Variants in MIPOL1 observed in about 807,000 individuals in gnomAD.
MIPOL1 encodes the protein mirror-image polydactyly gene 1 protein.
MIPOL1 carries 57 observed loss-of-function variants against 60.9 expected under a neutral mutation model. That is an observed-to-expected ratio of 0.94 (90% confidence interval 0.76 to 1.17). The LOEUF (loss-of-function observed/expected upper bound fraction) is 1.17. MIPOL1 is among the 50% of genes most tolerant of loss of function. The pLI is 0.00. For synonymous variants in MIPOL1, 179 were observed against 168.8 expected, an observed-to-expected ratio of 1.06 and a Z score of -0.47; for missense variants, 551 against 511.6, an observed-to-expected ratio of 1.08 and a Z score of -0.74.
intron 7 of MIPOL1, among the ~76,000 whole-genome samples, chr14:37,307,462 A>AT (rs2086883638): frequency 6.6e-6 from 1 of 151,906 alleles, no homozygotes; most frequent in Non-Finnish European, 1.5e-5. Flanking sequence ...GCCAGTTTTT[A>AT]TTTTTTGTCT....
intron 12 of MIPOL1, among the ~76,000 whole-genome samples, chr14:37,545,004 G>A (rs1259930909): frequency 1.3e-5 from 2 of 152,144 alleles, no homozygotes; most frequent in Admixed American, 1.3e-4. Flanking sequence ...CACTGATTCT[G>A]AATTTGTAGT....
intron 7 of MIPOL1, among the ~76,000 whole-genome samples, chr14:37,299,537 G>C (rs1030293702): frequency 6.6e-6 from 1 of 151,996 alleles, no homozygotes; most frequent in Non-Finnish European, 1.5e-5. Flanking sequence ...TCTATATGAT[G>C]GGATAAGTAG....
At chr14:37,382,031 T>C (rs1283546420) in intron 10 of MIPOL1, among the ~76,000 whole-genome samples, 2 of 152,086 alleles carry the variant, frequency 1.3e-5, no homozygotes, top group African/African-American at 4.8e-5. Context: ...ATGATGTCAG[T>C]ATTTTGGAAG....
intron 7 of MIPOL1, among the ~76,000 whole-genome samples, chr14:37,286,617 A>G (rs1336424997): frequency 1.3e-5 from 2 of 152,230 alleles, no homozygotes; most frequent in East Asian, 3.8e-4. Context: ...AGTACTAATT[A>G]AAACATGGTT....
intron 11 of MIPOL1, among the ~76,000 whole-genome samples, chr14:37,442,748 A>AT (rs1349907203): frequency 6.6e-6 from 1 of 151,986 alleles, no homozygotes; most frequent in Non-Finnish European, 1.5e-5. Context: ...ATCAAAAAGA[A>AT]TAAAATACTT....
At chr14:37,306,483 G>A (rs1032524972) in intron 7 of MIPOL1, among the ~76,000 whole-genome samples, 3 of 151,848 alleles carry the variant, frequency 2.0e-5, no homozygotes, top group Admixed American at 1.3e-4. Context: ...CAAGGTAATT[G>A]TGAAGTTTAT....
At chr14:37,540,369 G>A (rs2095524782) in intron 12 of MIPOL1, among the ~76,000 whole-genome samples, 1 of 151,816 alleles carries the variant, frequency 6.6e-6, no homozygotes, top group Non-Finnish European at 1.5e-5. Context: ...ATGTACTTTT[G>A]TGAGCATATT....
chr14:37,314,527 T>C lies in MIPOL1; in HGVS notation c.828+6008T>C, dbSNP rs577037318. On this transcript the variant is annotated intron_variant, in intron 9 of 12. Coordinates refer to ENST00000684589, the MANE Select transcript of MIPOL1 (RefSeq NM_001388067.1). Reference sequence around the variant, plus strand: ...TGCCTTTAAGCCTGTTTTTCCCTCTTACTAGAACATACTTCCTCTCTGCTT... The same window carrying C: ...TGCCTTTAAGCCTGTTTTTCCCTCTCACTAGAACATACTTCCTCTCTGCTT... Among the ~76,000 whole-genome samples, 6 of 152,326 alleles carry C rather than the reference T, an allele frequency of 3.9e-5. No individual in the cohort carries two copies. The South Asian group carries it at 1.2e-3, about 32-fold the overall frequency.
Position 37,322,313 on chromosome 14 carries a change from C to G in MIPOL1, c.828+13794C>G, listed in dbSNP as rs148721923. Among the ~76,000 whole-genome samples the G allele has an allele frequency of 2.0e-5, 3 of 151,946 alleles. No homozygotes were observed. The East Asian group carries it at 5.8e-4, about 29-fold the overall frequency. ...GATGCAGAACATTACTACAGTGTTA[C>G]CCCAGAGTTTCCTCATGCCCTATCC... On this transcript the variant is annotated intron_variant, in intron 9 of 12. Transcript: ENST00000684589.
chr14:37,457,525 A>G (rs971600183), intron 11 of MIPOL1, among the ~76,000 whole-genome samples: 7 of 152,036 alleles, frequency 4.6e-5, no homozygotes, highest in Non-Finnish European at 1.5e-5. Context: ...CACTCACCTT[A>G]CTCTACAAGT....
intron 1 of MIPOL1, among the ~76,000 whole-genome samples, chr14:37,218,628 A>G (rs895369357): frequency 1.1e-4 from 17 of 152,106 alleles, no homozygotes; most frequent in African/African-American, 3.6e-4. Flanking sequence ...GTTAAGTGAA[A>G]TGGATTAATG....
intron 9 of MIPOL1, among the ~76,000 whole-genome samples, chr14:37,363,955 A>C (rs1281940714): frequency 6.6e-6 from 1 of 152,110 alleles, no homozygotes; most frequent in Non-Finnish European, 1.5e-5. Context: ...GTGGGAGAAA[A>C]TCTCCTGGTC....
chr14:37,286,552 A>G (rs560960746), intron 7 of MIPOL1, among the ~76,000 whole-genome samples: 2 of 152,338 alleles, frequency 1.3e-5, no homozygotes, highest in South Asian at 4.1e-4. Flanking sequence ...CAGCATACTT[A>G]TGGCATGTTT....
intron 3 of MIPOL1, among the ~76,000 whole-genome samples, chr14:37,262,976 G>A (rs947408082): frequency 5.9e-5 from 9 of 152,136 alleles, no homozygotes; most frequent in African/African-American, 2.2e-4. Context: ...TCTAGCCACT[G>A]CCTTACTTCT....
chr14:37,418,678 C>T (rs192594966), intron 10 of MIPOL1, among the ~76,000 whole-genome samples: 1 of 151,942 alleles, frequency 6.6e-6, no homozygotes, highest in African/African-American at 2.4e-5. Flanking sequence ...ATTACTTAAG[C>T]TTTATGAACC....
rs2095560161 is a variant in MIPOL1, at chr14:37,550,858, T to C, written c.*3887T>C. The C allele has an allele frequency of 6.6e-6, 1 of 152,442 alleles. No individual in the cohort carries two copies. The highest frequency in any genetic ancestry group is 6.6e-5 in the Admixed American group (1 of 15,266). 9.4% of individuals were successfully genotyped at this position (152,442 alleles called of 1,614,324 possible). A position where few individuals can be genotyped will look rare whatever the true frequency, so the allele number is the denominator to read the frequency against. On this transcript the variant is annotated 3_prime_UTR_variant, in exon 13 of 13. Transcript: ENST00000684589. ...TAATCCTTTTACTAGAAAAATCTTT[T>C]TTGAAGAGTTTTTCTTGTGCTTGCT... is the stretch of plus-strand genomic sequence containing the variant.
chr14:37,450,811 CAA>C (rs1456685538), intron 11 of MIPOL1, among the ~76,000 whole-genome samples: 9 of 152,126 alleles, frequency 5.9e-5, no homozygotes, highest in African/African-American at 1.4e-4. Context: ...AACTTGATTT[CAA>C]GTCTTTTTTA....
At chr14:37,239,048 ATTTTT>A (rs569559063) in intron 1 of MIPOL1, among the ~76,000 whole-genome samples, 2 of 134,156 alleles carry the variant, frequency 1.5e-5, no homozygotes, top group African/African-American at 2.9e-5. Flanking sequence ...ACATTGCTTA[ATTTTT>A]TTTTTTTTTT....
At chr14:37,326,917 C>T (rs2089214970) in intron 9 of MIPOL1, among the ~76,000 whole-genome samples, 1 of 151,946 alleles carries the variant, frequency 6.6e-6, no homozygotes, top group Admixed American at 6.5e-5. Context: ...TTAAGATAAT[C>T]TTGGTAATTA....
Sources: gnomAD v4.1 joint callset for allele counts (sites outside exome capture counted in the v4.1 genomes callset) on GRCh38, gnomAD v4.1.1 for gene constraint, MANE v1.5 for transcripts, NCBI Gene and HGNC (gene_info 2026-07-23, HGNC 2026-07-21) for gene names.